The following CLCN5 variants were observed in gnomAD, a reference collection of about 807,000 sequenced individuals.
The protein encoded by CLCN5 is H(+)/Cl(-) exchange transporter 5.
CLCN5 carries 17 observed loss-of-function variants against 54.0 expected under a neutral mutation model. That is an observed-to-expected ratio of 0.31 (90% CI 0.22 to 0.47). The LOEUF (loss-of-function observed/expected upper bound fraction) is 0.47, where lower values mean the gene tolerates loss of function less well. Ranked by LOEUF, CLCN5 falls within the 20% of genes least tolerant of loss-of-function variation. The pLI, the probability that CLCN5 is intolerant of heterozygous loss-of-function variation, is 1.00. For missense variants in CLCN5, 448 were observed against 646.7 expected, an observed-to-expected ratio of 0.69 and a Z score of 3.33; for synonymous variants, 222 against 233.0, an observed-to-expected ratio of 0.95 and a Z score of 0.43.
intron 4 of CLCN5, among the ~76,000 whole-genome samples, chrX:50,055,563 A>G (rs782722562): frequency 8.9e-6 from 1 of 112,543 alleles, no homozygotes; most frequent in Non-Finnish European, 1.9e-5. Context: ...CTCCCAGAAC[A>G]TAAGTCTGCT....
chrX:49,987,193 A>G (rs1467489818), intron 3 of CLCN5, among the ~76,000 whole-genome samples: 3 of 112,246 alleles, frequency 2.7e-5, no homozygotes, highest in Non-Finnish European at 5.6e-5. Flanking sequence ...ATATTCCTAA[A>G]ATATTTCATT....
intron 3 of CLCN5, among the ~76,000 whole-genome samples, chrX:49,948,058 C>T (rs1213881872): frequency 9.0e-6 from 1 of 110,750 alleles, no homozygotes; most frequent in Admixed American, 9.7e-5. Flanking sequence ...TTTGTTTCCT[C>T]CTGCCTCCTA....
intron 4 of CLCN5, among the ~76,000 whole-genome samples, chrX:50,051,481 A>G (rs1557188358): frequency 2.7e-5 from 3 of 112,027 alleles, no homozygotes; most frequent in East Asian, 2.8e-4. Flanking sequence ...CAGCTTCAAC[A>G]TTGTGTTGGA....
chrX:50,094,426 G>C lies in CLCN5; in HGVS notation c.*2207G>C, dbSNP rs1934196570. 1 of 111,567 alleles carries C rather than the reference G, an allele frequency of 9.0e-6. No homozygotes were observed. The highest frequency in any genetic ancestry group is 1.9e-5 in the Non-Finnish European group (1 of 53,145). The allele number at this position is 111,567 out of a possible 1,213,427, so 9.2% of individuals were successfully genotyped here. ...TTCTGGTCCAATACCTGTCTTATTA[G>C]TTGTCCTTCCCCACTAAAGTTTGCA... On this transcript the variant is annotated 3_prime_UTR_variant, in exon 15 of 15. Transcript: ENST00000376091.
chrX:50,068,673 A>C (rs1324048445), intron 4 of CLCN5, among the ~76,000 whole-genome samples: 1 of 110,833 alleles, frequency 9.0e-6, no homozygotes, highest in Non-Finnish European at 1.9e-5. Context: ...TGGAGTTTAC[A>C]GTGAAGATGG....
chrX:49,981,078 T>C (rs900676640), intron 3 of CLCN5, among the ~76,000 whole-genome samples: 16 of 111,944 alleles, frequency 1.4e-4, no homozygotes, highest in African/African-American at 5.2e-4. Flanking sequence ...TTTTTTGCTT[T>C]GGTATTAATG....
At chrX:50,085,854 A>G in intron 9 of CLCN5, 126 bp from the exon 10 acceptor site, 2 of 602,172 alleles carry the variant, frequency 3.3e-6, no homozygotes, top group Admixed American at 5.0e-5. Context: ...TTTGTTTTTG[A>G]TGATATGGAA....
intron 3 of CLCN5, among the ~76,000 whole-genome samples, chrX:49,963,701 C>A (rs781983564): frequency 1.7e-4 from 19 of 111,963 alleles, no homozygotes; most frequent in Non-Finnish European, 3.6e-4. Context: ...ATTCTGAAGA[C>A]CTGTGCTGTT....
chrX:50,091,846 G>A (rs1318676873), intron 14 of CLCN5, among the ~76,000 whole-genome samples: 1 of 112,161 alleles, frequency 8.9e-6, no homozygotes, highest in Non-Finnish European at 1.9e-5. Flanking sequence ...GTTTGAACTG[G>A]GCTGCAGTAG....
chrX:49,970,168 CAT>C (rs1928132221), intron 3 of CLCN5, among the ~76,000 whole-genome samples: 1 of 111,345 alleles, frequency 9.0e-6, no homozygotes, highest in South Asian at 3.7e-4. Flanking sequence ...TTGTAGGCAA[CAT>C]GTAGTTAGTA....
intron 2 of CLCN5, among the ~76,000 whole-genome samples, chrX:49,924,647 G>T (rs781875126): frequency 1.8e-5 from 2 of 111,822 alleles, no homozygotes; most frequent in South Asian, 3.8e-4. Flanking sequence ...GCAAAGGGTG[G>T]GAAAGTATAA....
intron 3 of CLCN5, among the ~76,000 whole-genome samples, chrX:50,004,356 GAAT>G (rs1197026773): frequency 1.8e-5 from 2 of 111,081 alleles, no homozygotes; most frequent in Admixed American, 9.6e-5. Context: ...GTGCTCTGGA[GAAT>G]AATAAGGCAG....
chrX:50,054,009 A>T (rs1169137261), intron 4 of CLCN5, among the ~76,000 whole-genome samples: 1 of 110,374 alleles, frequency 9.1e-6, no homozygotes, highest in African/African-American at 3.3e-5. Flanking sequence ...TCCTCTAGAG[A>T]GTCTGTGTCT....
At chrX:50,088,624 A>G (rs1933976993) in intron 11 of CLCN5, 74 bp from the exon 12 acceptor site, 1 of 983,534 alleles carries the variant, frequency 1.0e-6, no homozygotes, top group Non-Finnish European at 1.5e-6. Flanking sequence ...GCAGAGGGTC[A>G]GTCCTCCAGC....
At chrX:50,004,578 G>A (rs897520094) in intron 3 of CLCN5, among the ~76,000 whole-genome samples, 1 of 110,222 alleles carries the variant, frequency 9.1e-6, no homozygotes, top group Admixed American at 9.6e-5. Context: ...ATCTAAGGCC[G>A]CTTTTAAAAA....
intron 4 of CLCN5, among the ~76,000 whole-genome samples, chrX:50,062,454 C>G (rs1458774560): frequency 6.6e-4 from 29 of 43,952 alleles, no homozygotes; most frequent in Non-Finnish European, 1.0e-3. Flanking sequence ...ACAAGAGGAG[C>G]TAACTATCCT....
intron 8 of CLCN5, among the ~76,000 whole-genome samples, 191 bp from the exon 9 acceptor site, chrX:50,081,450 T>C (rs190994363): frequency 7.2e-5 from 8 of 111,519 alleles, no homozygotes; most frequent in African/African-American, 2.6e-4. Context: ...AGGGGGAACA[T>C]GAAAGCTTAA....
At position 50,097,907 on chromosome X, in the gene CLCN5, G is replaced by A. The variant is rs1001277121; in HGVS notation, c.*5688G>A. ...AGTACAAATCTGTTGGAATTCAGGGGCAGTCTAAGATTTGGTGAGTGAAAT... is the reference window on the plus strand; with the variant it reads ...AGTACAAATCTGTTGGAATTCAGGGACAGTCTAAGATTTGGTGAGTGAAAT... On this transcript the variant is annotated 3_prime_UTR_variant, in exon 15 of 15. Transcript: ENST00000376091. The A allele has an allele frequency of 2.7e-5, 3 of 112,406 alleles. No homozygotes were observed. The highest frequency in any genetic ancestry group is 6.5e-5 in the African/African-American group (2 of 30,831). The allele number at this position is 112,406 out of a possible 1,213,427, so 9.3% of individuals were successfully genotyped here.
At chrX:50,055,295 T>C (rs980918974) in intron 4 of CLCN5, among the ~76,000 whole-genome samples, 6 of 111,925 alleles carry the variant, frequency 5.4e-5, no homozygotes, top group Non-Finnish European at 9.4e-5. Context: ...CTTAACATTA[T>C]ATTTACTAAT....
Sources: gnomAD v4.1 joint callset for allele counts (sites outside exome capture counted in the v4.1 genomes callset) on GRCh38, gnomAD v4.1.1 for gene constraint, MANE v1.5 for transcripts, NCBI Gene and HGNC (gene_info 2026-07-23, HGNC 2026-07-21) for gene names.